Variants in MTMR2 observed in about 807,000 individuals in gnomAD.
The protein encoded by MTMR2 is phosphatidylinositol-3,5-bisphosphate 3-phosphatase MTMR2.
A neutral mutation model predicts 86.9 loss-of-function variants in MTMR2; 55 were observed. The observed-to-expected ratio is 0.63, with a 90% confidence interval of 0.51 to 0.79. MTMR2 has a LOEUF of 0.79. MTMR2 is among the 30% of genes least tolerant of loss of function. MTMR2 has a pLI of 0.00. For synonymous variants in MTMR2, 241 were observed against 266.8 expected (o/e 0.90, Z 0.94); for missense variants, 659 against 772.3 (o/e 0.85, Z 1.74).
Position 95,833,894 on chromosome 11 carries a change from G to C in MTMR2, c.*1396C>G. On this transcript the variant is annotated 3_prime_UTR_variant, in exon 15 of 15. Coordinates refer to ENST00000346299, the MANE Select transcript of MTMR2 (RefSeq NM_016156.6). ...AACTTCCTCACTGCAAGACCAAGAG[G>C]GAGGCTAAGGTTCAGACTCTCTGTA... 6.6e-6 allele frequency: 1 copy of C among 151,872 alleles called. No individual in the cohort carries two copies. The highest frequency in any genetic ancestry group is 1.9e-4 in the East Asian group (1 of 5,182). 9.4% of individuals were successfully genotyped at this position (151,872 alleles called of 1,614,324 possible).
chr11:95,871,224 G>A (rs1443034037), intron 2 of MTMR2, among the ~76,000 whole-genome samples: 4 of 152,210 alleles, frequency 2.6e-5, no homozygotes, highest in East Asian at 3.9e-4. Flanking sequence ...TTATAGCAGC[G>A]TGATTTATAA....
chr11:95,914,818 C>G (rs917503002), intron 1 of MTMR2, among the ~76,000 whole-genome samples: 1 of 152,060 alleles, frequency 6.6e-6, no homozygotes, highest in Non-Finnish European at 1.5e-5. Flanking sequence ...AGCACACAGA[C>G]CCTGAAGTCA....
intron 1 of MTMR2, among the ~76,000 whole-genome samples, chr11:95,922,282 G>A (rs1866956141): frequency 6.6e-6 from 1 of 152,170 alleles, no homozygotes; most frequent in African/African-American, 2.4e-5. Context: ...ATACTGTGCT[G>A]CTTCATGTGG....
At chr11:95,848,360 A>G (rs12418620) in intron 9 of MTMR2, among the ~76,000 whole-genome samples, 20,853 of 152,102 alleles carry the variant, frequency 0.14, 3,117 homozygotes, top group African/African-American at 0.37. Context: ...CATATCTGAG[A>G]AATAAACTCT....
intron 2 of MTMR2, among the ~76,000 whole-genome samples, chr11:95,866,900 G>A (rs577721434): frequency 1.3e-4 from 20 of 151,540 alleles, no homozygotes; most frequent in African/African-American, 3.4e-4. Context: ...CTCATTTTCC[G>A]CATCTATAAA....
chr11:95,903,708 G>T (rs1866156065), intron 1 of MTMR2, among the ~76,000 whole-genome samples: 1 of 152,080 alleles, frequency 6.6e-6, no homozygotes, highest in Admixed American at 6.6e-5. Flanking sequence ...CAAAAATACA[G>T]AACCAAACAC....
chr11:95,909,180 T>C (rs1211734480), intron 1 of MTMR2, among the ~76,000 whole-genome samples: 2 of 152,096 alleles, frequency 1.3e-5, no homozygotes, highest in African/African-American at 4.8e-5. Context: ...TATTTCAAAG[T>C]GTAGCATTTA....
chr11:95,903,314 T>C (rs1017898261), intron 1 of MTMR2, among the ~76,000 whole-genome samples: 4 of 152,190 alleles, frequency 2.6e-5, no homozygotes, highest in Non-Finnish European at 5.9e-5. Context: ...ACCTATTTCA[T>C]GTTCTCACTT....
rs1863944217 is a variant in MTMR2, at chr11:95,849,792, CT to C, written c.874del (p.Ser292ValfsTer57). ...TRCSQPMVGVSGKRSKEDEKY... is the reference protein window; with the variant it reads ...TRCSQPMVGVXGKRSKEDEKY... ...TTCATCTTCTTTGCTTCGCTTTCCACTCACTCCAACCATGGGCTGGCTACAC... is the reference window on the plus strand; with the variant it reads ...TTCATCTTCTTTGCTTCGCTTTCCACCACTCCAACCATGGGCTGGCTACAC... On this transcript the variant is annotated frameshift_variant, in exon 9 of 15. Transcript: ENST00000346299. LOFTEE classifies it high-confidence loss of function. 2 of 1,614,126 alleles carry C rather than the reference CT, an allele frequency of 1.2e-6. No individual in the cohort carries two copies. Among genetic ancestry groups the C allele is most frequent in the Non-Finnish European group, 1.7e-6 (2 of 1,179,982 alleles).
chr11:95,843,438 T>A (rs1362000600), intron 11 of MTMR2, among the ~76,000 whole-genome samples: 2 of 152,138 alleles, frequency 1.3e-5, no homozygotes, highest in African/African-American at 4.8e-5. Context: ...ATAAAAAAAA[T>A]TCATTAACTT....
intron 1 of MTMR2, among the ~76,000 whole-genome samples, chr11:95,904,278 G>C (rs1306165154): frequency 6.6e-6 from 1 of 152,088 alleles, no homozygotes; most frequent in East Asian, 1.9e-4. Context: ...AATCAGCATA[G>C]AAACAAAGTA....
chr11:95,880,621 G>T (rs561163467), intron 2 of MTMR2, among the ~76,000 whole-genome samples: 1 of 152,008 alleles, frequency 6.6e-6, no homozygotes, highest in Non-Finnish European at 1.5e-5. Flanking sequence ...TTGATCTGAT[G>T]AATGTGAAAT....
chr11:95,901,921 A>T (rs1866089282), intron 1 of MTMR2, among the ~76,000 whole-genome samples: 2 of 152,208 alleles, frequency 1.3e-5, no homozygotes. Context: ...ACAACAAAAA[A>T]CAAGGAATGC....
At chr11:95,843,227 T>C (rs932197780) in intron 11 of MTMR2, among the ~76,000 whole-genome samples, 1 of 152,208 alleles carries the variant, frequency 6.6e-6, no homozygotes, top group African/African-American at 2.4e-5. Flanking sequence ...TAAAAATACT[T>C]GAAGGCTTTT....
rs187747377 is a variant in MTMR2 at position 95,858,904 on chromosome 11, T to A, written c.469-272A>T. ...CAAAATAGGCCAGTGAAAGAGGTAG[T>A]ATTTGATGTAACCACTGGAGATTAA... On this transcript the variant is annotated intron_variant, in intron 5 of 14. Coordinates refer to ENST00000346299, the MANE Select transcript of MTMR2 (RefSeq NM_016156.6). Among the ~76,000 whole-genome samples, 307 of 152,284 alleles carry A rather than the reference T, an allele frequency of 2.0e-3. 6 individuals carry two copies. The highest frequency in any genetic ancestry group is 1.2e-4 in the Non-Finnish European group (8 of 68,006).
intron 11 of MTMR2, 73 bp from the exon 12 acceptor site, chr11:95,841,782 A>C (rs1863559587): frequency 1.6e-6 from 2 of 1,257,110 alleles, no homozygotes; most frequent in Non-Finnish European, 2.3e-6. Flanking sequence ...TTTTTTAAAA[A>C]AATAATTGGT....
At chr11:95,838,545 TTC>T (rs1181319050) in intron 12 of MTMR2, among the ~76,000 whole-genome samples, 1 of 152,072 alleles carries the variant, frequency 6.6e-6, no homozygotes, top group Non-Finnish European at 1.5e-5. Flanking sequence ...ATAGTTGTTT[TTC>T]TTTTTTAAGG....
At position 95,872,105 on chromosome 11, in the gene MTMR2, C is replaced by T. The variant is rs1864913376; in HGVS notation, c.187-6429G>A. On this transcript the variant is annotated intron_variant, in intron 2 of 14. Coordinates refer to ENST00000346299, the MANE Select transcript of MTMR2 (RefSeq NM_016156.6). ...CTTAGGATTGACTTGGCAAGGCGGG[C>T]TCTTTTTTGGTTCCATATGAACTTT... Among the ~76,000 whole-genome samples the T allele has an allele frequency of 2.6e-5, 4 of 152,158 alleles. No individual in the cohort carries two copies. In the South Asian group the frequency reaches 8.3e-4, roughly 32 times the overall value.
intron 9 of MTMR2, 92 bp from the exon 10 acceptor site, chr11:95,847,991 A>AT: frequency 8.0e-7 from 1 of 1,243,940 alleles, no homozygotes; most frequent in South Asian, 1.3e-5. Flanking sequence ...AAGATGATAC[A>AT]TATTACTGGA....
Sources: allele counts gnomAD v4.1 joint callset (sites outside exome capture counted in the v4.1 genomes callset), GRCh38; gene constraint gnomAD v4.1.1; transcripts MANE v1.5; gene names NCBI Gene and HGNC (gene_info 2026-07-23, HGNC 2026-07-21).